Variants in TUBB observed in about 807,000 individuals in gnomAD.
TUBB encodes the protein tubulin beta class I.
A neutral mutation model predicts 35.1 loss-of-function variants in TUBB; 2 were observed. The observed-to-expected ratio is 0.06, with a 90% CI of 0.02 to 0.18. The LOEUF (loss-of-function observed/expected upper bound fraction) is 0.18. Ranked by LOEUF, TUBB falls within the 10% of genes least tolerant of loss-of-function variation. TUBB has a pLI of 1.00. For missense variants in TUBB, 50 were observed against 599.4 expected (o/e 0.08, Z 9.57); for synonymous variants, 205 against 223.8 (o/e 0.92, Z 0.75).
chr6:30,720,442 A>T lies in TUBB; in HGVS notation c.-65A>T. On this transcript the variant is annotated 5_prime_UTR_variant, in exon 1 of 4. Transcript: ENST00000327892. ...CTTCCAGCCTGCGACCTGCGGAGAA[A>T]AAAAATTACTTATTTTCTTGCCCCA... 5 of 1,565,834 alleles carry T rather than the reference A, an allele frequency of 3.2e-6. No individual in the cohort carries two copies. The highest frequency in any genetic ancestry group is 4.4e-6 in the Non-Finnish European group (5 of 1,136,396).
Position 30,722,650 on chromosome 6 carries a change from G to A in TUBB, c.166+5G>A, listed in dbSNP as rs1776363291. ...TGTACTACAATGAAGCCACAGGTAA[G>A]GGCAGGAGCCCGGGCAGCTCAGGTT... is the stretch of plus-strand genomic sequence containing the variant. On this transcript the variant is annotated splice_donor_5th_base_variant and intron_variant, in intron 2 of 3. Coordinates refer to ENST00000327892, the MANE Select transcript of TUBB (RefSeq NM_178014.4). 11 of 1,612,258 alleles carry A rather than the reference G, an allele frequency of 6.8e-6. No homozygotes were observed. Among genetic ancestry groups the A allele is most frequent in the Non-Finnish European group, 8.5e-6 (10 of 1,178,906 alleles).
Position 30,724,728 on chromosome 6 carries a change from C to G in TUBB, c.*331C>G. ...TGGGTCTCCAGATCCCATTTAGAAC[C>G]AACCAGGTGCTGAAAACACATGTAG... is the stretch of plus-strand genomic sequence containing the variant. On this transcript the variant is annotated 3_prime_UTR_variant, in exon 4 of 4. Coordinates refer to ENST00000327892, the MANE Select transcript of TUBB (RefSeq NM_178014.4). The surrounding 1 kb of genome is among the most constrained non-coding windows in gnomAD (Gnocchi z 4.4). 1 of 340,882 alleles carries G rather than the reference C, an allele frequency of 2.9e-6. No individual in the cohort carries two copies. The highest frequency in any genetic ancestry group is 6.4e-5 in the South Asian group (1 of 15,558). 21.1% of individuals were successfully genotyped at this position (340,882 alleles called of 1,614,324 possible).
intron 1 of TUBB, chr6:30,722,326 C>T: frequency 3.6e-6 from 2 of 552,592 alleles, no homozygotes; most frequent in Non-Finnish European, 6.5e-6. Context: ...GCCTATAGTC[C>T]CAGCTACTCC....
Position 30,724,456 on chromosome 6 carries a change from C to G in TUBB, c.*59C>G, listed in dbSNP as rs780402432. ...CCCTTAGCCGTCTTACTCAACTGCC[C>G]CTTTCCTCTCCCTCAGAATTTGTGT... is the stretch of plus-strand genomic sequence containing the variant. On this transcript the variant is annotated 3_prime_UTR_variant, in exon 4 of 4. Coordinates refer to ENST00000327892, the MANE Select transcript of TUBB (RefSeq NM_178014.4). This position sits in a 1 kb window ranked among gnomAD's most constrained non-coding sequence, Gnocchi z 4.4. The G allele has an allele frequency of 1.4e-5, 20 of 1,442,792 alleles. No homozygotes were observed. The highest frequency in any genetic ancestry group is 1.8e-5 in the Non-Finnish European group (19 of 1,071,914). The allele number at this position is 1,442,792 out of a possible 1,614,324, so 89.4% of individuals were successfully genotyped here. A position where few individuals can be genotyped will look rare whatever the true frequency, so the allele number is the denominator to read the frequency against.
Position 30,723,410 on chromosome 6 carries a change from C to G in TUBB, c.348C>G (p.Val116=). The change falls in exon 4 of 4, where the codon GTC becomes GTG. Residue 116 remains valine, a synonymous_variant. Transcript: ENST00000327892. ...AGGGCGCCGAGCTGGTTGATTCTGT[C>G]CTGGATGTGGTACGGAAGGAGGCAG... ...YTEGAELVDS[V]LDVVRKEAES... 1.2e-6 allele frequency: 2 copies of G among 1,613,990 alleles called. No homozygotes were observed. The highest frequency in any genetic ancestry group is 1.7e-6 in the Non-Finnish European group (2 of 1,179,890).
At chr6:30,721,612 T>C in intron 1 of TUBB, 1 of 983,480 alleles carries the variant, frequency 1.0e-6, no homozygotes, top group Non-Finnish European at 1.2e-6. Context: ...GGGGGGGTGG[T>C]CGACTGCGGC....
At chr6:30,721,533 C>T (rs537739487) in intron 1 of TUBB, 2 of 984,806 alleles carry the variant, frequency 2.0e-6, no homozygotes, top group African/African-American at 1.7e-5. Flanking sequence ...TTGTCCCTGG[C>T]CCCGCCCACG....
At chr6:30,721,448 C>T (rs1776236365) in intron 1 of TUBB, 8 of 638,172 alleles carry the variant, frequency 1.3e-5, no homozygotes, top group Non-Finnish European at 1.6e-5. Flanking sequence ...GCGCCGTGGG[C>T]GCGCGGGGAC....
intron 1 of TUBB, among the ~76,000 whole-genome samples, chr6:30,721,162 C>T (rs914846888): frequency 1.3e-5 from 2 of 152,208 alleles, no homozygotes; most frequent in African/African-American, 2.4e-5. Context: ...ATTTTACTTG[C>T]TTTCATGGCC....
intron 1 of TUBB, 126 bp downstream of exon 1, chr6:30,720,689 C>T (rs1206278035): frequency 1.3e-6 from 1 of 765,330 alleles, no homozygotes; most frequent in Non-Finnish European, 2.1e-6. Flanking sequence ...AAGTTTGTTA[C>T]ATTTATATAT....
intron 1 of TUBB, chr6:30,721,606 G>GC (rs1776264706): frequency 1.0e-6 from 1 of 985,424 alleles, no homozygotes; most frequent in South Asian, 4.7e-5. Context: ...AGGGCGGGGG[G>GC]GGTGGTCGAC....
At chr6:30,721,245 T>A (rs1026941637) in intron 1 of TUBB, among the ~76,000 whole-genome samples, 1 of 151,894 alleles carries the variant, frequency 6.6e-6, no homozygotes, top group African/African-American at 2.4e-5. Context: ...CTTTAATGAG[T>A]CCCTCAGGAC....
chr6:30,723,050 A>G (rs1191783228), intron 3 of TUBB, 22 bp downstream of exon 3: 32 of 1,565,460 alleles, frequency 2.0e-5, no homozygotes, highest in Non-Finnish European at 2.7e-5. Flanking sequence ...AGATGATATT[A>G]GCAGATGATA....
chr6:30,724,547 A>C lies in TUBB; in HGVS notation c.*150A>C. On this transcript the variant is annotated 3_prime_UTR_variant, in exon 4 of 4. Coordinates refer to ENST00000327892, the MANE Select transcript of TUBB (RefSeq NM_178014.4). This position sits in a 1 kb window ranked among gnomAD's most constrained non-coding sequence, Gnocchi z 4.4. The stretch of plus-strand genomic sequence containing the variant: ...GGGTCTAGAACAGTGCCTGGCACAT[A>C]GTAGGCGCTCAATAAATACTTGTTT... The C allele has an allele frequency of 1.5e-6, 1 of 652,914 alleles. No individual in the cohort carries two copies. Among genetic ancestry groups the C allele is most frequent in the Non-Finnish European group, 2.6e-6 (1 of 389,598 alleles). 40.4% of individuals were successfully genotyped at this position (652,914 alleles called of 1,614,324 possible). A position where few individuals can be genotyped will look rare whatever the true frequency, so the allele number is the denominator to read the frequency against.
intron 1 of TUBB, chr6:30,722,287 A>G (rs1776331368): frequency 2.2e-6 from 1 of 459,502 alleles, no homozygotes; most frequent in African/African-American, 2.0e-5. Context: ...TACTAAAAAT[A>G]CAAAAAGTAG....
At chr6:30,721,848 G>A in intron 1 of TUBB, 7 of 985,680 alleles carry the variant, frequency 7.1e-6, no homozygotes, top group Non-Finnish European at 7.2e-6. Context: ...CCATGCCCTA[G>A]AACAACGGCC....
At position 30,723,884 on chromosome 6, in the gene TUBB, C is replaced by T. The variant is rs1461698929; in HGVS notation, c.822C>T (p.Thr274=). 8 of 1,614,178 alleles carry T rather than the reference C, an allele frequency of 5.0e-6. No homozygotes were observed. The Admixed American group carries it at 8.3e-5, about 17-fold the overall frequency. ...HFFMPGFAPL[T]SRGSQQYRAL... ...TTATGCCTGGCTTTGCCCCTCTCACCAGCCGTGGAAGCCAGCAGTATCGAG... is the reference window on the plus strand; with the variant it reads ...TTATGCCTGGCTTTGCCCCTCTCACTAGCCGTGGAAGCCAGCAGTATCGAG... Residue 274 remains threonine, a synonymous_variant, in exon 4 of 4, where the codon ACC becomes ACT. Coordinates refer to ENST00000327892, the MANE Select transcript of TUBB (RefSeq NM_178014.4).
chr6:30,722,722 C>T, intron 2 of TUBB, 77 bp downstream of exon 2: 1 of 1,329,588 alleles, frequency 7.5e-7, no homozygotes, highest in Non-Finnish European at 1.1e-6. Flanking sequence ...CATTTCTGGG[C>T]ACGCCTTATC....
chr6:30,722,669 T>C, intron 2 of TUBB, 24 bp downstream of exon 2: 1 of 1,586,970 alleles, frequency 6.3e-7, no homozygotes, highest in South Asian at 1.1e-5. Context: ...CCCGGGCAGC[T>C]CAGGTTCCCT....
Sources: allele counts gnomAD v4.1 joint callset (sites outside exome capture counted in the v4.1 genomes callset), GRCh38; gene constraint gnomAD v4.1.1; non-coding constraint Gnocchi (gnomAD v3.1); transcripts MANE v1.5; gene names NCBI Gene and HGNC (gene_info 2026-07-23, HGNC 2026-07-21).